C12orf54: variants seen among roughly 807,000 people sequenced by gnomAD.
C12orf54 encodes the protein uncharacterized protein C12orf54.
A neutral mutation model predicts 26.4 loss-of-function variants in C12orf54; 24 were observed. The observed-to-expected ratio is 0.91, with a 90% confidence interval of 0.66 to 1.28. The LOEUF (loss-of-function observed/expected upper bound fraction) is 1.28. C12orf54 is among the 50% of genes most tolerant of loss of function. The pLI is 0.00. For synonymous variants in C12orf54, 54 were observed against 47.0 expected, an observed-to-expected ratio of 1.15 and a Z score of -0.61; for missense variants, 154 against 150.9, an observed-to-expected ratio of 1.02 and a Z score of -0.11.
At chr12:48,471,147 G>A in the C12orf54 span, among the ~76,000 whole-genome samples, 1 of 151,494 alleles carries the variant, frequency 6.6e-6, no homozygotes, top group East Asian at 1.9e-4. Context: ...TCCTCCATGA[G>A]TTCTATTGTT....
the C12orf54 span, chr12:48,473,113 C>T: frequency 3.0e-5 from 49 of 1,612,518 alleles, no homozygotes; most frequent in East Asian, 1.6e-4. Context: ...GGCTGTGACC[C>T]GGATGACAAG....
At chr12:48,432,774 C>T in the C12orf54 span, among the ~76,000 whole-genome samples, 2 of 151,130 alleles carry the variant, frequency 1.3e-5, no homozygotes, top group Non-Finnish European at 2.9e-5. Context: ...GAGCCTGAGG[C>T]AGGAAAATCG....
chr12:48,495,307 AT>A (rs1242201043), intron 8 of C12orf54, among the ~76,000 whole-genome samples: 1 of 152,160 alleles, frequency 6.6e-6, no homozygotes, highest in East Asian at 1.9e-4. Context: ...GGATAAAGAG[AT>A]GGAAAGGTGG....
the C12orf54 span, among the ~76,000 whole-genome samples, chr12:48,454,088 TTTTG>T: frequency 4.4e-3 from 506 of 116,204 alleles, 15 homozygotes; most frequent in South Asian, 0.054. Context: ...CTCTCTCTTT[TTTTG>T]TTTGTTTTTT....
At chr12:48,469,955 T>C in the C12orf54 span, among the ~76,000 whole-genome samples, 1 of 152,358 alleles carries the variant, frequency 6.6e-6, no homozygotes, top group East Asian at 1.9e-4. Context: ...TTTGATTTTC[T>C]GTTCCTGCAT....
At chr12:48,427,611 A>T in the C12orf54 span, among the ~76,000 whole-genome samples, 1 of 152,012 alleles carries the variant, frequency 6.6e-6, no homozygotes, top group Admixed American at 6.6e-5. Flanking sequence ...GGCCTTGTCC[A>T]ACAGGAAAAT....
chr12:48,486,642 G>C, intron 3 of C12orf54, 46 bp from the exon 4 acceptor site: 1 of 1,562,424 alleles, frequency 6.4e-7, no homozygotes, highest in South Asian at 1.1e-5. Flanking sequence ...TCAGATTCTG[G>C]GAGAGTTGGG....
chr12:48,486,315 C>A (rs1954263578), intron 3 of C12orf54, 107 bp downstream of exon 3: 2 of 1,192,660 alleles, frequency 1.7e-6, no homozygotes, highest in Non-Finnish European at 2.4e-6. Flanking sequence ...AGCTACCTGA[C>A]AAGGGACAGG....
At chr12:48,473,228 T>C in the C12orf54 span, 3 of 1,182,216 alleles carry the variant, frequency 2.5e-6, no homozygotes, top group Middle Eastern at 1.9e-4. Context: ...TAATGGAAGA[T>C]GAGGAGGACG....
the C12orf54 span, among the ~76,000 whole-genome samples, chr12:48,471,715 T>G: frequency 2.6e-4 from 39 of 152,350 alleles, 1 homozygote; most frequent in Admixed American, 2.4e-3. Flanking sequence ...TCTGTTTTTG[T>G]GTCGATACCA....
chr12:48,439,532 A>G, the C12orf54 span, among the ~76,000 whole-genome samples: 11 of 152,344 alleles, frequency 7.2e-5, no homozygotes, highest in Non-Finnish European at 1.3e-4. Context: ...GATTAAGAAA[A>G]TGTGGCACAT....
the C12orf54 span, among the ~76,000 whole-genome samples, chr12:48,432,368 T>G: frequency 6.6e-6 from 1 of 152,126 alleles, no homozygotes; most frequent in Non-Finnish European, 1.5e-5. Context: ...GCAAAATATG[T>G]TTAGAAAAGA....
chr12:48,466,312 C>T, the C12orf54 span, among the ~76,000 whole-genome samples: 151 of 152,176 alleles, frequency 9.9e-4, 1 homozygote, highest in African/African-American at 3.2e-3. Context: ...GGGAGGCCTA[C>T]GCAAATGGAT....
At chr12:48,489,106 A>G (rs766168931) in intron 5 of C12orf54, 150 bp downstream of exon 5, 2 of 837,988 alleles carry the variant, frequency 2.4e-6, no homozygotes, top group Non-Finnish European at 4.1e-6. Context: ...AGTACCACTG[A>G]CTTGTCAGTC....
chr12:48,450,700 T>C, the C12orf54 span, among the ~76,000 whole-genome samples: 4 of 152,112 alleles, frequency 2.6e-5, no homozygotes, highest in Admixed American at 2.6e-4. Context: ...TATCAACACC[T>C]CTATGCACAT....
chr12:48,444,810 GA>G, the C12orf54 span, among the ~76,000 whole-genome samples: 1 of 152,108 alleles, frequency 6.6e-6, no homozygotes, highest in African/African-American at 2.4e-5. Flanking sequence ...ACTTTTTTAA[GA>G]ATGAGACATA....
the C12orf54 span, chr12:48,472,772 C>A: frequency 3.8e-4 from 616 of 1,614,116 alleles, 2 homozygotes; most frequent in South Asian, 8.2e-4. Context: ...AATTGGAAGG[C>A]CTCACAGATG....
At chr12:48,452,738 A>C in the C12orf54 span, among the ~76,000 whole-genome samples, 1 of 152,246 alleles carries the variant, frequency 6.6e-6, no homozygotes, top group Non-Finnish European at 1.5e-5. Flanking sequence ...TGTGATGAAC[A>C]AACATATGAA....
the C12orf54 span, among the ~76,000 whole-genome samples, chr12:48,433,989 G>A: frequency 6.6e-6 from 1 of 152,182 alleles, no homozygotes; most frequent in African/African-American, 2.4e-5. Context: ...GAAGCATAAG[G>A]GGTCAGGGAA....
Sources: allele counts gnomAD v4.1 joint callset (sites outside exome capture counted in the v4.1 genomes callset), GRCh38; gene constraint gnomAD v4.1.1; transcripts MANE v1.5; gene names NCBI Gene and HGNC (gene_info 2026-07-23, HGNC 2026-07-21).